Variants in ITSN2 observed in about 807,000 individuals in gnomAD.
The protein encoded by ITSN2 is intersectin-2.
Under a neutral mutation model 243.7 loss-of-function variants are expected in ITSN2, and 156 were observed. The ratio of observed to expected loss-of-function variants is 0.64; its 90% CI spans 0.56 to 0.73. The LOEUF (loss-of-function observed/expected upper bound fraction) is 0.73, where lower values mean the gene tolerates loss of function less well. Ranked by LOEUF, ITSN2 falls within the 30% of genes least tolerant of loss-of-function variation. The pLI is 0.00. For missense variants in ITSN2, 1,801 were observed against 1,996.1 expected, an observed-to-expected ratio of 0.90 and a Z score of 1.86; for synonymous variants, 703 against 699.9, an observed-to-expected ratio of 1.00 and a Z score of -0.07.
At chr2:24,348,825 T>C (rs1687785150) in intron 1 of ITSN2, among the ~76,000 whole-genome samples, 1 of 152,222 alleles carries the variant, frequency 6.6e-6, no homozygotes, top group African/African-American at 2.4e-5. Flanking sequence ...TTCGTCCATT[T>C]TCCTATGCTA....
In ITSN2 at chr2:24,300,107, G is replaced by T; in HGVS notation, c.1146C>A (p.Arg382=). The part of the protein sequence containing the change: ...ERGNMELEKR[R]QALMEQQQRE... ...TTTGTTGCTGCTCCATCAAGGCTTG[G>T]CGTCGCTTTTCCAGCTCCATGTTCC... The change falls in exon 12 of 40, where the codon CGC becomes CGA. Residue 382 remains arginine (R), a synonymous_variant. Coordinates refer to ENST00000355123, the MANE Select transcript of ITSN2 (RefSeq NM_006277.3). 4 of 1,614,056 alleles carry T rather than the reference G, an allele frequency of 2.5e-6. No homozygotes were observed. Among genetic ancestry groups the T allele is most frequent in the Non-Finnish European group, 3.4e-6 (4 of 1,180,006 alleles).
At chr2:24,241,304 T>C (rs1672702094) in intron 29 of ITSN2, 1 of 152,084 alleles carries the variant, frequency 6.6e-6, no homozygotes. Context: ...CTAGGAAAGG[T>C]TTTTCCCATC....
chr2:24,254,543 A>G, intron 23 of ITSN2, 112 bp from the exon 24 acceptor site: 1 of 725,832 alleles, frequency 1.4e-6, no homozygotes, highest in South Asian at 1.6e-5. Flanking sequence ...GGCTTTCTCA[A>G]ATTAAATATA....
intron 18 of ITSN2, among the ~76,000 whole-genome samples, chr2:24,272,547 T>A (rs1677500556): frequency 6.6e-6 from 1 of 150,816 alleles, no homozygotes; most frequent in South Asian, 2.1e-4. Flanking sequence ...TCCTCCTGCC[T>A]CAGCCTCCAA....
At chr2:24,255,978 G>A (rs1237616640) in intron 23 of ITSN2, among the ~76,000 whole-genome samples, 7 of 151,108 alleles carry the variant, frequency 4.6e-5, no homozygotes, top group East Asian at 3.9e-4. Flanking sequence ...GCTTGAACCC[G>A]GGAGGTGGAG....
At chr2:24,232,859 A>G (rs1476912574) in intron 29 of ITSN2, among the ~76,000 whole-genome samples, 2 of 152,230 alleles carry the variant, frequency 1.3e-5, no homozygotes, top group Admixed American at 6.5e-5. Flanking sequence ...TTCCATGTAT[A>G]AACCTACCAG....
chr2:24,359,304 C>A (rs749392191), intron 1 of ITSN2, among the ~76,000 whole-genome samples: 7 of 152,192 alleles, frequency 4.6e-5, no homozygotes, highest in Non-Finnish European at 1.0e-4. Context: ...CTAAACTGAG[C>A]TCACTAACAA....
intron 9 of ITSN2, among the ~76,000 whole-genome samples, chr2:24,303,523 G>A (rs1322780297): frequency 6.6e-6 from 1 of 152,112 alleles, no homozygotes; most frequent in Non-Finnish European, 1.5e-5. Flanking sequence ...AAAATTAAAA[G>A]GTTTACAAAG....
rs748743466 is a variant in ITSN2, at chr2:24,271,797, A to G, written c.2226T>C (p.Asp742=). Reference sequence around the variant, plus strand: ...TCTCCTCAGCTTTCAAAGTATCCTTATCCTTACGTTGTTTCTCCTCAGCTT... The same window carrying G: ...TCTCCTCAGCTTTCAAAGTATCCTTGTCCTTACGTTGTTTCTCCTCAGCTT... ...ERKAEEKQRK[D]KDTLKAEEKK... The change falls in exon 19 of 40, where the codon GAT becomes GAC. Residue 742 remains aspartate (D), a synonymous_variant. Transcript: ENST00000355123. 4.4e-6 allele frequency: 7 copies of G among 1,602,190 alleles called. No individual in the cohort carries two copies. In the African/African-American group the frequency reaches 5.4e-5, roughly 12 times the overall value.
chr2:24,307,911 T>C (rs973815463), intron 8 of ITSN2, among the ~76,000 whole-genome samples: 1 of 152,262 alleles, frequency 6.6e-6, no homozygotes, highest in Non-Finnish European at 1.5e-5. Flanking sequence ...ATACCTCATC[T>C]GAACTCTTCA....
intron 17 of ITSN2, among the ~76,000 whole-genome samples, chr2:24,282,563 G>A (rs113565208): frequency 1.2e-3 from 186 of 152,248 alleles, no homozygotes; most frequent in African/African-American, 4.2e-3. Flanking sequence ...AACACGAACC[G>A]CCTATAGACG....
chr2:24,234,249 G>T (rs1202347580), intron 29 of ITSN2, among the ~76,000 whole-genome samples: 1 of 148,968 alleles, frequency 6.7e-6, no homozygotes, highest in African/African-American at 2.5e-5. Flanking sequence ...TTCAACAAAT[G>T]ATGCTGGAAC....
At chr2:24,315,320 A>T (rs1683775741) in intron 2 of ITSN2, 96 bp from the exon 3 acceptor site, 1 of 661,340 alleles carries the variant, frequency 1.5e-6, no homozygotes, top group Admixed American at 2.5e-5. Context: ...TCATTGTATG[A>T]CAGTATTTAA....
At chr2:24,217,861 G>A in intron 31 of ITSN2, 46 bp downstream of exon 31, 1 of 1,348,312 alleles carries the variant, frequency 7.4e-7, no homozygotes, top group Non-Finnish European at 1.1e-6. Flanking sequence ...TCTCAGTCTG[G>A]GGGCTTTGGG....
intron 24 of ITSN2, 53 bp downstream of exon 24, chr2:24,254,314 T>C: frequency 3.5e-6 from 4 of 1,127,042 alleles, no homozygotes; most frequent in Non-Finnish European, 5.4e-6. Flanking sequence ...GTCAGGTAGT[T>C]AGTCAAGAGC....
At position 24,295,783 on chromosome 2, in the gene ITSN2, A is replaced by G; in HGVS notation, c.1516T>C (p.Ser506Pro). The G allele has an allele frequency of 6.4e-7, 1 of 1,551,288 alleles. No homozygotes were observed. Among genetic ancestry groups the G allele is most frequent in the Non-Finnish European group, 8.6e-7 (1 of 1,156,420 alleles). ...EALNGKHQQI[S>P]GRLQDVRLKK... is the part of the protein sequence containing the mutation. ...AGTCGGACATCCTGAAGTCTGCCTGAGATCTGCTGATGTTTGCCATTCTAT... is the reference window on the plus strand; with the variant it reads ...AGTCGGACATCCTGAAGTCTGCCTGGGATCTGCTGATGTTTGCCATTCTAT... Residue 506 changes from serine to proline, a missense_variant, in exon 14 of 40, where the codon TCA (serine) becomes CCA (proline). Coordinates refer to ENST00000355123, the MANE Select transcript of ITSN2 (RefSeq NM_006277.3).
At chr2:24,333,019 G>T (rs1359729998) in intron 1 of ITSN2, among the ~76,000 whole-genome samples, 1 of 152,066 alleles carries the variant, frequency 6.6e-6, no homozygotes, top group Non-Finnish European at 1.5e-5. Context: ...TGATAATATG[G>T]ATACTCCTCT....
intron 1 of ITSN2, among the ~76,000 whole-genome samples, chr2:24,332,475 G>C (rs1421037789): frequency 6.6e-6 from 1 of 152,068 alleles, no homozygotes; most frequent in East Asian, 1.9e-4. Context: ...CAAATCCCTT[G>C]GGTAAAGCTG....
At position 24,310,567 on chromosome 2, in the gene ITSN2, G is replaced by C. The variant is rs1274595348; in HGVS notation, c.478C>G (p.Pro160Ala). The change falls in exon 6 of 40, where the codon CCT becomes GCT. Residue 160 changes from proline to alanine, a missense_variant. This residue lies in a region of ITSN2 where 787 missense variants were observed against 803.9 expected (regional missense o/e 0.98). Transcript: ENST00000355123. The stretch of plus-strand genomic sequence containing the variant: ...GGTAATGATGATGTGCTAACAGAAG[G>C]CACTAGGGGAGTGGGCATCATTAAG... ...PPLMMPTPLV[P>A]SVSTSSLPNG... 4.3e-6 allele frequency: 7 copies of C among 1,614,014 alleles called. No homozygotes were observed. The highest frequency in any genetic ancestry group is 2.2e-5 in the East Asian group (1 of 44,898).
Sources: allele counts gnomAD v4.1 joint callset (sites outside exome capture counted in the v4.1 genomes callset), GRCh38; gene constraint gnomAD v4.1.1; regional missense constraint gnomAD v4.1.1; transcripts MANE v1.5; gene names NCBI Gene and HGNC (gene_info 2026-07-23, HGNC 2026-07-21).